The following SIPA1L1 variants were observed in gnomAD, a reference collection of about 807,000 sequenced individuals.
SIPA1L1 encodes signal-induced proliferation-associated 1-like protein 1.
Under a neutral mutation model 162.7 loss-of-function variants are expected in SIPA1L1, and 26 were observed. The observed-to-expected ratio is 0.16, with a 90% CI of 0.12 to 0.22. The LOEUF is 0.22. Among genes scored for constraint, SIPA1L1 ranks in the 10% least tolerant of loss-of-function variants. The pLI, the probability that SIPA1L1 is intolerant of heterozygous loss-of-function variation, is 1.00. For missense variants in SIPA1L1, 1,874 were observed against 2,241.0 expected (o/e 0.84, Z 3.31); for synonymous variants, 829 against 837.4 (o/e 0.99, Z 0.17).
intron 17 of SIPA1L1, among the ~76,000 whole-genome samples, chr14:71,721,044 T>C (rs1157177992): frequency 6.6e-6 from 1 of 152,196 alleles, no homozygotes; most frequent in Non-Finnish European, 1.5e-5. Context: ...GTTAGGTATT[T>C]ATTCCAATCT....
At chr14:71,460,746 C>T (rs921112791) in intron 2 of SIPA1L1, among the ~76,000 whole-genome samples, 2 of 152,136 alleles carry the variant, frequency 1.3e-5, no homozygotes, top group Non-Finnish European at 2.9e-5. Context: ...CTTCCACTTC[C>T]ACCCCTTGAT....
chr14:71,396,616 G>A (rs2041225242), intron 2 of SIPA1L1, among the ~76,000 whole-genome samples: 1 of 152,214 alleles, frequency 6.6e-6, no homozygotes, highest in East Asian at 1.9e-4. Flanking sequence ...TTAAGAAGGT[G>A]TTATGGTAAA....
At chr14:71,713,582 C>T (rs758893454) in intron 17 of SIPA1L1, among the ~76,000 whole-genome samples, 5 of 152,238 alleles carry the variant, frequency 3.3e-5, no homozygotes, top group Non-Finnish European at 7.3e-5. Context: ...GTTGTCAACA[C>T]AGCTCAATTT....
In SIPA1L1 at chr14:71,653,116, T is replaced by C. The variant is rs1050520461; in HGVS notation, c.1993+2607T>C. On this transcript the variant is annotated intron_variant, in intron 8 of 23. Coordinates refer to ENST00000381232, the MANE Select transcript of SIPA1L1 (RefSeq NM_001386936.1). ...AAGTTGCAGAACAGCTTGATTTTTA[T>C]GAGTCTTATTTTTAAGCTTTGTTAA... Among the ~76,000 whole-genome samples, 3 of 152,210 alleles carry C rather than the reference T, an allele frequency of 2.0e-5. No homozygotes were observed. The East Asian group carries it at 5.8e-4, about 29-fold the overall frequency.
intron 3 of SIPA1L1, among the ~76,000 whole-genome samples, chr14:71,513,175 A>G (rs962406269): frequency 1.3e-5 from 2 of 152,158 alleles, no homozygotes; most frequent in African/African-American, 2.4e-5. Flanking sequence ...AGTATTTTAC[A>G]GAGTTTGGCG....
Position 71,650,328 on chromosome 14 carries a change from T to C in SIPA1L1, c.1819-7T>C. 1 of 1,613,982 alleles carries C rather than the reference T, an allele frequency of 6.2e-7. No homozygotes were observed. Among genetic ancestry groups the C allele is most frequent in the Non-Finnish European group, 8.5e-7 (1 of 1,179,846 alleles). ...ATTTATATGCATCGTATTACCTGCC[T>C]TCACAGCTGAACTACCAGCAGAAAG... On this transcript the variant is annotated splice_polypyrimidine_tract_variant and splice_region_variant and intron_variant, in intron 7 of 23. Transcript: ENST00000381232.
At position 71,705,304 on chromosome 14, in the gene SIPA1L1, T is replaced by A; in HGVS notation, c.3729T>A (p.Asp1243Glu). 1 of 1,614,084 alleles carries A rather than the reference T, an allele frequency of 6.2e-7. No homozygotes were observed. Among genetic ancestry groups the A allele is most frequent in the Non-Finnish European group, 8.5e-7 (1 of 1,179,974 alleles). Residue 1243 changes from aspartate to glutamate, a missense_variant, in exon 16 of 24, where the codon GAT (aspartate) becomes GAA (glutamate). Physicochemically the swap from Asp to Glu is conservative, Grantham distance 45. Transcript: ENST00000381232. ...CCAGTGGGAGATTAATGCGGCAGGATCCAGTGGTTCATTTGTCTCCAAACA... is the reference window on the plus strand; with the variant it reads ...CCAGTGGGAGATTAATGCGGCAGGAACCAGTGGTTCATTTGTCTCCAAACA... ...ESPSGRLMRQ[D>E]PVVHLSPNKQ...
At chr14:71,364,715 A>G (rs1021760095) in intron 2 of SIPA1L1, among the ~76,000 whole-genome samples, 3 of 151,908 alleles carry the variant, frequency 2.0e-5, no homozygotes, top group Admixed American at 6.6e-5. Flanking sequence ...TCTGGCCTAC[A>G]GCACATCATC....
chr14:71,695,523 T>C (rs1222800609), intron 13 of SIPA1L1, among the ~76,000 whole-genome samples: 1 of 152,226 alleles, frequency 6.6e-6, no homozygotes, highest in Non-Finnish European at 1.5e-5. Context: ...AGCCTCTAAA[T>C]ACAAATGTAA....
In SIPA1L1 at chr14:71,680,932, G is replaced by T. The variant is rs150004905; in HGVS notation, c.3105-4430G>T. 1.6e-4 allele frequency among the ~76,000 whole-genome samples: 24 copies of T among 152,278 alleles called. No homozygotes were observed. In the East Asian group the frequency reaches 4.6e-3, roughly 29 times the overall value. Reference sequence around the variant, plus strand: ...AGGCAGGAGTGCCTGTCCTCATCTTGATCCGTGGGGGTGGAGCCCTAGCCA... The same window carrying T: ...AGGCAGGAGTGCCTGTCCTCATCTTTATCCGTGGGGGTGGAGCCCTAGCCA... On this transcript the variant is annotated intron_variant, in intron 12 of 23. Transcript: ENST00000381232.
chr14:71,677,160 G>A (rs997078440), intron 12 of SIPA1L1, among the ~76,000 whole-genome samples: 42 of 152,142 alleles, frequency 2.8e-4, no homozygotes, highest in African/African-American at 9.7e-4. Context: ...TTTAATGATC[G>A]CCATTCTAAC....
Position 71,523,634 on chromosome 14 carries a change from T to G in SIPA1L1, c.-361-5678T>G, listed in dbSNP as rs568918494. On this transcript the variant is annotated intron_variant, in intron 3 of 23. Coordinates refer to ENST00000381232, the MANE Select transcript of SIPA1L1 (RefSeq NM_001386936.1). ...AGTTAGTTATGTTTCCTTATTTTCTTTAACCTGTGGTGTTTGTCAAATGGT... is the reference window on the plus strand; with the variant it reads ...AGTTAGTTATGTTTCCTTATTTTCTGTAACCTGTGGTGTTTGTCAAATGGT... 1.6e-4 allele frequency among the ~76,000 whole-genome samples: 24 copies of G among 152,352 alleles called. 1 individual carries two copies. The highest frequency in any genetic ancestry group is 1.3e-4 in the Admixed American group (2 of 15,300).
intron 15 of SIPA1L1, chr14:71,704,748 T>C (rs2149891715): frequency 6.2e-7 from 1 of 1,613,174 alleles, no homozygotes; most frequent in South Asian, 1.1e-5. Context: ...CCTCAGGATT[T>C]CAATTCTTTT....
At chr14:71,564,490 C>CTTTTTTTTTTTTTTTTTTTT (rs370431365) in intron 4 of SIPA1L1, among the ~76,000 whole-genome samples, 9 of 97,734 alleles carry the variant, frequency 9.2e-5, no homozygotes, top group Admixed American at 2.7e-4. Flanking sequence ...CATTTTCTTT[C>CTTTTTTTTTTTTTTTTTTTT]TTTTTTTTTT....
chr14:71,608,918 CA>C (rs1206299112), intron 5 of SIPA1L1, among the ~76,000 whole-genome samples: 1 of 151,788 alleles, frequency 6.6e-6, no homozygotes, highest in East Asian at 1.9e-4. Flanking sequence ...CAAAAACAAA[CA>C]AAAAACTTCC....
At chr14:71,623,525 T>C (rs1390370519) in intron 6 of SIPA1L1, among the ~76,000 whole-genome samples, 1 of 152,258 alleles carries the variant, frequency 6.6e-6, no homozygotes, top group Non-Finnish European at 1.5e-5. Context: ...GCTGCTGTAC[T>C]GATGGTGATA....
Position 71,474,659 on chromosome 14 carries a change from G to A in SIPA1L1, c.-464-38084G>A, listed in dbSNP as rs542754671. Among the ~76,000 whole-genome samples, 11 of 152,320 alleles carry A rather than the reference G, an allele frequency of 7.2e-5. No homozygotes were observed. The East Asian group carries it at 1.9e-3, about 27-fold the overall frequency. On this transcript the variant is annotated intron_variant, in intron 2 of 23. Transcript: ENST00000381232. Reference sequence around the variant, plus strand: ...TTGTTCAGGTGAGGACATCTCTGCTGTGCACCACACTGCTCATCAGTCCCT... The same window carrying A: ...TTGTTCAGGTGAGGACATCTCTGCTATGCACCACACTGCTCATCAGTCCCT...
chr14:71,566,774 T>A (rs2146828257), intron 4 of SIPA1L1, among the ~76,000 whole-genome samples: 1 of 152,348 alleles, frequency 6.6e-6, no homozygotes, highest in Non-Finnish European at 1.5e-5. Context: ...TGTATGATAT[T>A]GGTGATTGGG....
intron 12 of SIPA1L1, among the ~76,000 whole-genome samples, chr14:71,680,000 G>A (rs566398847): frequency 1.3e-5 from 2 of 152,154 alleles, no homozygotes; most frequent in Admixed American, 6.5e-5. Context: ...TTTATCACCC[G>A]ACTGTCAACA....
Sources: gnomAD v4.1 joint callset for allele counts (sites outside exome capture counted in the v4.1 genomes callset) on GRCh38, gnomAD v4.1.1 for gene constraint, MANE v1.5 for transcripts, NCBI Gene and HGNC (gene_info 2026-07-23, HGNC 2026-07-21) for gene names.